Variants in PDCD6 observed in about 807,000 individuals in gnomAD.
PDCD6 encodes the protein programmed cell death 6.
A neutral mutation model predicts 28.3 loss-of-function variants in PDCD6; 12 were observed. The ratio of observed to expected loss-of-function variants is 0.42; its 90% CI spans 0.27 to 0.69. The LOEUF (loss-of-function observed/expected upper bound fraction) is 0.69, where lower values mean the gene tolerates loss of function less well. Ranked by LOEUF, PDCD6 falls within the 30% of genes least tolerant of loss-of-function variation. PDCD6 has a pLI of 0.22. For missense variants in PDCD6, 226 were observed against 269.9 expected, an observed-to-expected ratio of 0.84 and a Z score of 1.14; for synonymous variants, 92 against 108.0, an observed-to-expected ratio of 0.85 and a Z score of 0.92.
At chr5:280,354 C>G (rs1738486677) in intron 2 of PDCD6, among the ~76,000 whole-genome samples, 1 of 147,838 alleles carries the variant, frequency 6.8e-6, no homozygotes, top group Non-Finnish European at 1.5e-5. Context: ...CAGGGCTGTG[C>G]TGGGCACTGT....
chr5:283,059 G>A (rs1738690339), intron 2 of PDCD6, among the ~76,000 whole-genome samples: 1 of 151,960 alleles, frequency 6.6e-6, no homozygotes, highest in Admixed American at 6.6e-5. Flanking sequence ...CACTTTGAGG[G>A]TCTTTCAGCT....
At chr5:302,503 G>T (rs1579534222) in intron 2 of PDCD6, among the ~76,000 whole-genome samples, 1 of 114,382 alleles carries the variant, frequency 8.7e-6, no homozygotes, top group East Asian at 2.4e-4. Flanking sequence ...GTGTGTGTGT[G>T]TGTGTGTGTG....
At chr5:288,385 C>G (rs1739115892) in intron 2 of PDCD6, among the ~76,000 whole-genome samples, 2 of 149,486 alleles carry the variant, frequency 1.3e-5, no homozygotes, top group Non-Finnish European at 3.0e-5. Context: ...AGCATGAAAC[C>G]CTGTTATTCA....
At chr5:298,697 CACT>C in intron 2 of PDCD6, among the ~76,000 whole-genome samples, 3 of 127,720 alleles carry the variant, frequency 2.3e-5, no homozygotes, top group African/African-American at 9.4e-5. Flanking sequence ...CAGCTGCTCC[CACT>C]CAGCTGCTCC....
chr5:289,857 A>G (rs892076212), intron 2 of PDCD6: 52 of 1,500,096 alleles, frequency 3.5e-5, no homozygotes, highest in Non-Finnish European at 4.6e-5. Context: ...GTGAATTTCC[A>G]GGAAACATAA....
At chr5:299,675 G>A (rs1489654095) in intron 2 of PDCD6, among the ~76,000 whole-genome samples, 8 of 151,578 alleles carry the variant, frequency 5.3e-5, no homozygotes, top group South Asian at 2.1e-4. Context: ...TCAGCCCCCC[G>A]AGTAGCTGGG....
chr5:288,783 G>A (rs758773465), intron 2 of PDCD6: 74 of 932,900 alleles, frequency 7.9e-5, no homozygotes, highest in Admixed American at 3.0e-4. Flanking sequence ...TTTATACGGC[G>A]TTAAAACCAG....
At chr5:286,570 T>C (rs1738984532) in intron 2 of PDCD6, among the ~76,000 whole-genome samples, 1 of 151,700 alleles carries the variant, frequency 6.6e-6, no homozygotes, top group African/African-American at 2.4e-5. Flanking sequence ...GTGGGGGAGC[T>C]GATGTTCCCT....
At position 272,716 on chromosome 5, in the gene PDCD6, A is replaced by C; in HGVS notation, c.107A>C (p.Asp36Ala). Residue 36 changes from aspartate (D) to alanine (A), a missense_variant, in exon 2 of 6, where the codon GAT (aspartate) becomes GCT (alanine). By Grantham distance (126) the Asp-to-Ala change is moderately radical. This residue lies in a region of PDCD6 where 72 missense variants were observed against 71.4 expected (regional missense o/e 1.01). Transcript: ENST00000264933. ...TGGTCTTCTTGATGTTATAGGGTCGATAAAGACAGGAGTGGAGTGATATCA... is the reference window on the plus strand; with the variant it reads ...TGGTCTTCTTGATGTTATAGGGTCGCTAAAGACAGGAGTGGAGTGATATCA... ...SFLWNVFQRV[D>A]KDRSGVISDT... 6.3e-7 allele frequency: 1 copy of C among 1,576,310 alleles called. No homozygotes were observed. The highest frequency in any genetic ancestry group is 8.6e-7 in the Non-Finnish European group (1 of 1,161,988).
intron 2 of PDCD6, among the ~76,000 whole-genome samples, chr5:292,017 A>C (rs1390608795): frequency 1.3e-5 from 2 of 152,238 alleles, no homozygotes; most frequent in Admixed American, 1.3e-4. Flanking sequence ...AACCGTTCTT[A>C]GCAGGGCGTG....
At chr5:295,321 G>A (rs1429834602) in intron 2 of PDCD6, among the ~76,000 whole-genome samples, 4 of 152,214 alleles carry the variant, frequency 2.6e-5, no homozygotes, top group Admixed American at 2.6e-4. Flanking sequence ...CAGAGGGAGA[G>A]AGTGGAGGGT....
rs572288743 is a variant in PDCD6, at chr5:276,250, G to A, written c.163+3478G>A. 5.2e-5 allele frequency: 60 copies of A among 1,150,676 alleles called. No homozygotes were observed. The East Asian group carries it at 4.0e-3, about 76-fold the overall frequency. The allele number at this position is 1,150,676 out of a possible 1,614,324, so 71.3% of individuals were successfully genotyped here. On this transcript the variant is annotated intron_variant, in intron 2 of 5. Coordinates refer to ENST00000264933, the MANE Select transcript of PDCD6 (RefSeq NM_013232.4). ...TCTCAAAAAAACAAAGAAAGTGGAT[G>A]CGCGCTGCTCCTGCCATTGGATCAT...
At chr5:287,453 T>C (rs189371819) in intron 2 of PDCD6, among the ~76,000 whole-genome samples, 67 of 152,292 alleles carry the variant, frequency 4.4e-4, no homozygotes, top group African/African-American at 1.6e-3. Context: ...AGTTTGGATT[T>C]GTTTTCTGTC....
chr5:290,228 A>C, intron 2 of PDCD6: 2 of 1,552,884 alleles, frequency 1.3e-6, no homozygotes, highest in South Asian at 2.2e-5. Context: ...AGTCTTGGCT[A>C]TATGACAAAG....
At chr5:279,919 G>A (rs1311822067) in intron 2 of PDCD6, among the ~76,000 whole-genome samples, 8 of 146,480 alleles carry the variant, frequency 5.5e-5, no homozygotes, top group Non-Finnish European at 1.2e-4. Context: ...GGCAAGTTCC[G>A]AGTGCTAGGA....
chr5:314,298 C>A, intron 5 of PDCD6, 119 bp from the exon 6 acceptor site: 1 of 683,944 alleles, frequency 1.5e-6, no homozygotes, highest in Admixed American at 2.4e-5. Context: ...GTGCTGGGCT[C>A]CATCAGGGAG....
At chr5:304,391 C>A (rs1258429411) in intron 3 of PDCD6, 170 bp downstream of exon 3, 7 of 1,068,434 alleles carry the variant, frequency 6.6e-6, no homozygotes, top group Non-Finnish European at 9.2e-6. Context: ...TACCTTTTCA[C>A]ATCTCTCCGT....
intron 2 of PDCD6, among the ~76,000 whole-genome samples, chr5:278,792 G>A (rs1271493682): frequency 6.8e-6 from 1 of 146,846 alleles, no homozygotes; most frequent in Admixed American, 6.7e-5. Context: ...GGACACAGGG[G>A]AGGGTGCTGG....
intron 2 of PDCD6, among the ~76,000 whole-genome samples, chr5:299,551 G>A (rs1426716771): frequency 1.4e-5 from 2 of 140,930 alleles, no homozygotes; most frequent in African/African-American, 2.9e-5. Context: ...TCTTTTGAAG[G>A]TTTTTTTTTT....
Sources: allele counts gnomAD v4.1 joint callset (sites outside exome capture counted in the v4.1 genomes callset), GRCh38; gene constraint gnomAD v4.1.1; regional missense constraint gnomAD v4.1.1; transcripts MANE v1.5; gene names NCBI Gene and HGNC (gene_info 2026-07-23, HGNC 2026-07-21).